The following TDRD5 variants were observed in gnomAD, a reference collection of about 807,000 sequenced individuals.
TDRD5 encodes tudor domain-containing protein 5.
In TDRD5, 41 loss-of-function variants were observed where a neutral mutation model predicts 120.6. The ratio of observed to expected loss-of-function variants is 0.34; its 90% CI spans 0.26 to 0.44. TDRD5 has a LOEUF of 0.44. Ranked by LOEUF, TDRD5 falls within the 20% of genes least tolerant of loss-of-function variation. The pLI, the probability that TDRD5 is intolerant of heterozygous loss-of-function variation, is 1.00. For synonymous variants in TDRD5, 430 were observed against 433.7 expected (o/e 0.99, Z 0.11); for missense variants, 1,006 against 1,221.2 (o/e 0.82, Z 2.63).
intron 14 of TDRD5, among the ~76,000 whole-genome samples, chr1:179,654,715 C>G (rs1572404549): frequency 2.0e-5 from 3 of 152,220 alleles, no homozygotes; most frequent in East Asian, 3.9e-4. Context: ...TGGCAGTGAG[C>G]TGAGATCGTG....
At chr1:179,689,950 G>A (rs1681029622) in intron 17 of TDRD5, among the ~76,000 whole-genome samples, 1 of 152,210 alleles carries the variant, frequency 6.6e-6, no homozygotes. Flanking sequence ...GGTGCCATCT[G>A]TCACGGCTTC....
At chr1:179,688,614 C>G (rs149888234) in intron 17 of TDRD5, among the ~76,000 whole-genome samples, 4,317 of 152,216 alleles carry the variant, frequency 0.028, 169 homozygotes, top group African/African-American at 0.096. Context: ...TGGGGAAGTT[C>G]TCCTGGATAA....
At chr1:179,599,021 G>A (rs936636695) in intron 4 of TDRD5, among the ~76,000 whole-genome samples, 3 of 151,996 alleles carry the variant, frequency 2.0e-5, no homozygotes, top group African/African-American at 4.8e-5. Context: ...CTTTTATCAG[G>A]TTGAGAAAAT....
At chr1:179,669,615 G>A (rs943942728) in intron 17 of TDRD5, among the ~76,000 whole-genome samples, 19 of 151,968 alleles carry the variant, frequency 1.3e-4, no homozygotes, top group African/African-American at 4.1e-4. Context: ...TTTTTTTGCC[G>A]GAGGGGTGGG....
At chr1:179,662,032 A>G (rs1679336110) in intron 14 of TDRD5, 72 bp from the exon 15 acceptor site, 1 of 1,387,934 alleles carries the variant, frequency 7.2e-7, no homozygotes, top group Non-Finnish European at 9.4e-7. Flanking sequence ...AAAAAACTAT[A>G]AAACCTAAAT....
intron 4 of TDRD5, among the ~76,000 whole-genome samples, chr1:179,606,166 T>A (rs1675970926): frequency 7.2e-6 from 1 of 139,478 alleles, no homozygotes; most frequent in African/African-American, 2.5e-5. Context: ...TTATTGCTGT[T>A]TTAATTTGAA....
intron 13 of TDRD5, among the ~76,000 whole-genome samples, chr1:179,653,279 G>C (rs1189307652): frequency 6.6e-6 from 1 of 152,052 alleles, no homozygotes; most frequent in Non-Finnish European, 1.5e-5. Context: ...ATATTATTTT[G>C]TTTAGTGTGT....
chr1:179,655,056 C>A (rs1678927490), intron 14 of TDRD5, among the ~76,000 whole-genome samples: 1 of 152,084 alleles, frequency 6.6e-6, no homozygotes, highest in Non-Finnish European at 1.5e-5. Context: ...TGACTCCTTC[C>A]CCTATATTTC....
intron 6 of TDRD5, among the ~76,000 whole-genome samples, chr1:179,628,906 G>C (rs1476640004): frequency 1.4e-5 from 2 of 146,120 alleles, no homozygotes; most frequent in African/African-American, 2.5e-5. Flanking sequence ...GTGATTGCTA[G>C]GTGACTGAGG....
chr1:179,611,606 A>G (rs1450261865), intron 4 of TDRD5, among the ~76,000 whole-genome samples: 1 of 152,166 alleles, frequency 6.6e-6, no homozygotes, highest in Non-Finnish European at 1.5e-5. Context: ...AAAATTAATT[A>G]TAATGTATAT....
intron 5 of TDRD5, among the ~76,000 whole-genome samples, chr1:179,618,930 A>G (rs899275141): frequency 6.6e-6 from 1 of 152,120 alleles, no homozygotes. Flanking sequence ...CCTCATCCCA[A>G]TAGATCACTG....
chr1:179,593,873 C>A lies in TDRD5; in HGVS notation c.640+6C>A. On this transcript the variant is annotated splice_donor_region_variant and intron_variant, in intron 3 of 17. Coordinates refer to ENST00000444136, the MANE Select transcript of TDRD5 (RefSeq NM_001199085.3). ...GCCGAGAGGATGTCCAGCAGGTACG[C>A]ATGTGAGCAAATGTTGGAGCAGTCA... 1 of 1,608,880 alleles carries A rather than the reference C, an allele frequency of 6.2e-7. No individual in the cohort carries two copies. The highest frequency in any genetic ancestry group is 8.5e-7 in the Non-Finnish European group (1 of 1,176,734).
intron 11 of TDRD5, among the ~76,000 whole-genome samples, chr1:179,649,077 T>C (rs982864497): frequency 3.9e-4 from 60 of 152,314 alleles, no homozygotes; most frequent in African/African-American, 1.3e-3. Context: ...TTCTGAGAAG[T>C]CAGCTGTCAG....
chr1:179,598,375 A>G (rs1675520724), intron 4 of TDRD5, among the ~76,000 whole-genome samples: 1 of 152,222 alleles, frequency 6.6e-6, no homozygotes, highest in African/African-American at 2.4e-5. Context: ...TTTGATACAA[A>G]TCAACTTGTC....
At chr1:179,637,941 A>G (rs1677855740) in intron 9 of TDRD5, among the ~76,000 whole-genome samples, 1 of 152,202 alleles carries the variant, frequency 6.6e-6, no homozygotes, top group Admixed American at 6.5e-5. Flanking sequence ...AAAGACAAGA[A>G]TTTGCGAGTC....
intron 8 of TDRD5, 41 bp from the exon 9 acceptor site, chr1:179,635,626 T>C (rs1342035625): frequency 7.0e-6 from 11 of 1,564,208 alleles, no homozygotes; most frequent in South Asian, 2.3e-5. Context: ...GGGTTTGAAA[T>C]GTCACCAAGA....
At chr1:179,631,912 CTT>C (rs1163945458) in intron 7 of TDRD5, among the ~76,000 whole-genome samples, 2 of 20,694 alleles carry the variant, frequency 9.7e-5, no homozygotes, top group African/African-American at 1.7e-4. Flanking sequence ...TTTTTCTTTT[CTT>C]TTTTTTTTTT....
chr1:179,623,898 C>T (rs984378707), intron 6 of TDRD5, among the ~76,000 whole-genome samples: 2 of 152,024 alleles, frequency 1.3e-5, no homozygotes, highest in Admixed American at 6.6e-5. Context: ...CTCAGCCTCC[C>T]AAAGTGCTGA....
rs541161450 is a variant in TDRD5 at position 179,690,397 on chromosome 1, A to G, written c.2861-299A>G. Among the ~76,000 whole-genome samples the G allele has an allele frequency of 3.3e-5, 5 of 152,266 alleles. No individual in the cohort carries two copies. In the South Asian group the frequency reaches 1.0e-3, roughly 32 times the overall value. On this transcript the variant is annotated intron_variant, in intron 17 of 17. Coordinates refer to ENST00000444136, the MANE Select transcript of TDRD5 (RefSeq NM_001199085.3). The stretch of plus-strand genomic sequence containing the variant: ...CTCTTTGGGATTTCCGTTATATCCA[A>G]TTTATTTTTATGACATTCCTAGAAA...
Sources: allele counts gnomAD v4.1 joint callset (sites outside exome capture counted in the v4.1 genomes callset), GRCh38; gene constraint gnomAD v4.1.1; transcripts MANE v1.5; gene names NCBI Gene and HGNC (gene_info 2026-07-23, HGNC 2026-07-21).